Variants in MRC2 observed in about 807,000 individuals in gnomAD.
MRC2 encodes C-type mannose receptor 2.
Under a neutral mutation model 206.2 loss-of-function variants are expected in MRC2, and 84 were observed. The observed-to-expected ratio is 0.41, with a 90% CI of 0.34 to 0.49. MRC2 has a LOEUF of 0.49. MRC2 is among the 20% of genes least tolerant of loss of function. The pLI, the probability that MRC2 is intolerant of heterozygous loss-of-function variation, is 0.31. For missense variants in MRC2, 1,676 were observed against 2,001.5 expected (o/e 0.84, Z 3.10); for synonymous variants, 798 against 800.0 (o/e 1.00, Z 0.04).
At position 62,675,996 on chromosome 17, in the gene MRC2, G is replaced by A. The variant is rs2088887529; in HGVS notation, c.1685+91G>A. On this transcript the variant is annotated intron_variant, in intron 10 of 29. Transcript: ENST00000303375. The surrounding 1 kb of genome is among the most constrained non-coding windows in gnomAD (Gnocchi z 4.1). ...CAAACAGGGTAGCATCTGCCATCAT[G>A]CCCAGAGGGACCTGGAGTCCTGTGA... 9.3e-6 allele frequency: 10 copies of A among 1,073,356 alleles called. No homozygotes were observed. The East Asian group carries it at 1.7e-4, about 18-fold the overall frequency. The allele number at this position is 1,073,356 out of a possible 1,614,324, so 66.5% of individuals were successfully genotyped here.
chr17:62,679,966 G>GC, intron 14 of MRC2, 64 bp downstream of exon 14: 1 of 1,505,334 alleles, frequency 6.6e-7, no homozygotes, highest in South Asian at 1.2e-5. Flanking sequence ...GCCTGTTTGG[G>GC]GCGGGGCCTG....
At position 62,680,907 on chromosome 17, in the gene MRC2, A is replaced by T. The variant is rs139250266; in HGVS notation, c.2581A>T (p.Thr861Ser). 6.2e-7 allele frequency: 1 copy of T among 1,613,076 alleles called. No individual in the cohort carries two copies. Among genetic ancestry groups the T allele is most frequent in the Non-Finnish European group, 8.5e-7 (1 of 1,179,958 alleles). Reference protein sequence around the residue: ...RICTWFQAELTSVHSQAELDF... With the variant: ...RICTWFQAELSSVHSQAELDF... ...CTGCACGTGGTTCCAGGCCGAGCTGACCTCGGTGCACAGCCAGGCGGAGCT... is the reference window on the plus strand; with the variant it reads ...CTGCACGTGGTTCCAGGCCGAGCTGTCCTCGGTGCACAGCCAGGCGGAGCT... Residue 861 changes from threonine to serine, a missense_variant, in exon 17 of 30, where the codon ACC (threonine) becomes TCC (serine). Physicochemically the swap from Thr to Ser is moderately conservative, Grantham distance 58. Transcript: ENST00000303375. This position sits in a 1 kb window ranked among gnomAD's most constrained non-coding sequence, Gnocchi z 4.8.
chr17:62,668,282 G>T (rs577917852), intron 6 of MRC2, among the ~76,000 whole-genome samples: 1 of 151,684 alleles, frequency 6.6e-6, no homozygotes, highest in African/African-American at 2.4e-5. Flanking sequence ...AGCCTGCAAG[G>T]TTGAGGCTGC....
intron 1 of MRC2, among the ~76,000 whole-genome samples, chr17:62,646,160 G>T (rs566140366): frequency 6.8e-4 from 104 of 151,930 alleles, no homozygotes; most frequent in African/African-American, 2.4e-3. Flanking sequence ...AAGTAGCTGG[G>T]ACTACAGGCG....
chr17:62,646,004 C>T (rs1245023373), intron 1 of MRC2, among the ~76,000 whole-genome samples: 1 of 149,492 alleles, frequency 6.7e-6, no homozygotes, highest in African/African-American at 2.5e-5. Context: ...ACATTTAGGT[C>T]ATTTCTCTGT....
chr17:62,627,912 C>G lies in MRC2; in HGVS notation c.110C>G (p.Ala37Gly). The change falls in exon 1 of 30, where the codon GCC (alanine) becomes GGC (glycine). Residue 37 changes from alanine to glycine, a missense_variant. Physicochemically the swap from Ala to Gly is moderately conservative, Grantham distance 60. Coordinates refer to ENST00000303375, the MANE Select transcript of MRC2 (RefSeq NM_006039.5). The part of the protein sequence containing the change: ...LGRPGAPGDA[A>G]LPEPNVFLIF... The stretch of plus-strand genomic sequence containing the variant: ...CGTCCCGGCGCCCCTGGGGACGCCG[C>G]CCTCCCGGGTAAGGCGCTGCCAACT... 3.4e-6 allele frequency: 5 copies of G among 1,456,660 alleles called. No individual in the cohort carries two copies. Among genetic ancestry groups the G allele is most frequent in the Non-Finnish European group, 4.5e-6 (5 of 1,111,570 alleles). The allele number at this position is 1,456,660 out of a possible 1,614,324, so 90.2% of individuals were successfully genotyped here.
Position 62,667,872 on chromosome 17 carries a change from A to G in MRC2, c.1117+339A>G, listed in dbSNP as rs1365758792. On this transcript the variant is annotated intron_variant, in intron 6 of 29. Coordinates refer to ENST00000303375, the MANE Select transcript of MRC2 (RefSeq NM_006039.5). The surrounding 1 kb of genome is among the most constrained non-coding windows in gnomAD (Gnocchi z 4.1). ...TAGAAATATGGATCAGTGTTAGAGG[A>G]GCATAGAGAAGAAACTGATTCAGCT... Among the ~76,000 whole-genome samples, 1 of 152,216 alleles carries G rather than the reference A, an allele frequency of 6.6e-6. No individual in the cohort carries two copies. Among genetic ancestry groups the G allele is most frequent in the Non-Finnish European group, 1.5e-5 (1 of 68,050 alleles).
chr17:62,682,194 T>C (rs1404485712), intron 19 of MRC2, 41 bp from the exon 20 acceptor site: 2 of 1,517,028 alleles, frequency 1.3e-6, no homozygotes, highest in Non-Finnish European at 1.8e-6. Context: ...CCTGCCCTGC[T>C]CTGCCCTGGG....
chr17:62,684,094 C>T (rs1343438888), intron 20 of MRC2: 6 of 152,170 alleles, frequency 3.9e-5, no homozygotes, highest in African/African-American at 7.2e-5. Flanking sequence ...ATGTACTTCA[C>T]GTTTTTAAAA....
intron 1 of MRC2, among the ~76,000 whole-genome samples, chr17:62,657,492 G>C (rs905228080): frequency 6.6e-6 from 1 of 152,230 alleles, no homozygotes; most frequent in Non-Finnish European, 1.5e-5. Flanking sequence ...GGCATGGGTT[G>C]ATTGCCTACA....
At chr17:62,673,752 C>T (rs1015666450) in intron 8 of MRC2, among the ~76,000 whole-genome samples, 1 of 152,126 alleles carries the variant, frequency 6.6e-6, no homozygotes, top group Non-Finnish European at 1.5e-5. Context: ...TCAAGTGATC[C>T]GCCCACCTCG....
intron 6 of MRC2, among the ~76,000 whole-genome samples, chr17:62,668,388 T>A (rs1325251378): frequency 7.0e-6 from 1 of 143,518 alleles, no homozygotes; most frequent in Non-Finnish European, 1.5e-5. Flanking sequence ...ATAAATAAAT[T>A]TAAAAAAAAA....
In MRC2 at chr17:62,690,957, C is replaced by G. The variant is rs1267553642; in HGVS notation, c.4021C>G (p.Leu1341Val). 1.9e-6 allele frequency: 3 copies of G among 1,600,990 alleles called. No individual in the cohort carries two copies. Among genetic ancestry groups the G allele is most frequent in the Non-Finnish European group, 1.7e-6 (2 of 1,174,760 alleles). ...GMNFNPKGGT[L>V]VWQDNTAVNY... ...TGCCTTCTTTCCTGCAGGAGGCACT[C>G]TGGTCTGGCAGGACAACACAGCTGT... is the stretch of plus-strand genomic sequence containing the variant. Residue 1341 changes from leucine (L) to valine (V), a missense_variant, in exon 28 of 30, where the codon CTG becomes GTG. This residue lies in a region of MRC2 where 1,354 missense variants were observed against 1,636.6 expected (regional missense o/e 0.83). Transcript: ENST00000303375.
At chr17:62,629,412 G>A (rs1012368533) in intron 1 of MRC2, among the ~76,000 whole-genome samples, 1 of 152,198 alleles carries the variant, frequency 6.6e-6, no homozygotes, top group Admixed American at 6.5e-5. Flanking sequence ...GGACAAGGAC[G>A]CCTGGAGTGT....
intron 1 of MRC2, 115 bp downstream of exon 1, chr17:62,628,035 G>C (rs921497644): frequency 3.1e-6 from 2 of 652,072 alleles, no homozygotes; most frequent in Middle Eastern, 2.6e-4. Context: ...AAGCGTGTGT[G>C]CGTGTGTGTG....
At chr17:62,669,127 A>ACAC (rs1568062755) in intron 6 of MRC2, among the ~76,000 whole-genome samples, 44 of 144,342 alleles carry the variant, frequency 3.0e-4, no homozygotes, top group African/African-American at 1.0e-3. Context: ...CACACACACA[A>ACAC]CACTAACTAC....
intron 1 of MRC2, 70 bp downstream of exon 1, chr17:62,627,990 G>A: frequency 1.9e-6 from 2 of 1,059,170 alleles, no homozygotes; most frequent in Non-Finnish European, 2.5e-6. Flanking sequence ...GGCCGCTCTC[G>A]ACTTTTCCCT....
intron 20 of MRC2, 150 bp downstream of exon 20, chr17:62,682,527 AC>A: frequency 3.3e-6 from 3 of 897,434 alleles, no homozygotes; most frequent in Non-Finnish European, 4.8e-6. Flanking sequence ...TGGCTCCAGT[AC>A]CAGGGCCAGA....
rs182678914 is a variant in MRC2 at position 62,691,222 on chromosome 17, A to G, written c.4192+94A>G. 2,513 of 1,412,342 alleles carry G rather than the reference A, an allele frequency of 1.8e-3. 42 individuals are homozygous for G. In the African/African-American group the frequency reaches 0.033, roughly 19 times the overall value. The allele number at this position is 1,412,342 out of a possible 1,614,324, so 87.5% of individuals were successfully genotyped here. On this transcript the variant is annotated intron_variant, in intron 28 of 29. Transcript: ENST00000303375. ...GGGCTGCTTCACAACTGCAGGGGGCACAGCCGATGGGAAGGCCTGAACAGA... is the reference window on the plus strand; with the variant it reads ...GGGCTGCTTCACAACTGCAGGGGGCGCAGCCGATGGGAAGGCCTGAACAGA...
Sources: allele counts gnomAD v4.1 joint callset (sites outside exome capture counted in the v4.1 genomes callset), GRCh38; gene constraint gnomAD v4.1.1; regional missense constraint gnomAD v4.1.1; non-coding constraint Gnocchi (gnomAD v3.1); transcripts MANE v1.5; gene names NCBI Gene and HGNC (gene_info 2026-07-23, HGNC 2026-07-21).